Variants in MMP26 observed in about 807,000 individuals in gnomAD.
MMP26 encodes the protein matrix metallopeptidase 26, also known as matrix metalloproteinase-26.
MMP26 carries 33 observed loss-of-function variants against 31.0 expected under a neutral mutation model. The ratio of observed to expected loss-of-function variants is 1.06; its 90% CI spans 0.81 to 1.42. The LOEUF (loss-of-function observed/expected upper bound fraction) is 1.42, where lower values mean the gene tolerates loss of function less well. MMP26 is among the 40% of genes most tolerant of loss of function. The pLI, the probability that MMP26 is intolerant of heterozygous loss-of-function variation, is 0.00. For synonymous variants in MMP26, 122 were observed against 114.9 expected, an observed-to-expected ratio of 1.06 and a Z score of -0.40; for missense variants, 347 against 316.1, an observed-to-expected ratio of 1.10 and a Z score of -0.74.
intron 2 of MMP26, among the ~76,000 whole-genome samples, chr11:4,874,551 G>A (rs1404263116): frequency 2.2e-5 from 3 of 138,926 alleles, no homozygotes; most frequent in Non-Finnish European, 4.8e-5. Context: ...TTGTATATGT[G>A]TGTGTGGTGT....
intron 1 of MMP26, among the ~76,000 whole-genome samples, chr11:4,727,479 G>GAAA: frequency 6.6e-6 from 1 of 152,130 alleles, no homozygotes; most frequent in Admixed American, 6.5e-5. Context: ...TTTTTAAAAT[G>GAAA]TTTGGTTTAG....
At chr11:4,750,453 T>C (rs1848434029) in intron 1 of MMP26, among the ~76,000 whole-genome samples, 1 of 152,154 alleles carries the variant, frequency 6.6e-6, no homozygotes, top group African/African-American at 2.4e-5. Flanking sequence ...TTATTATATA[T>C]TTTTAAAACC....
intron 2 of MMP26, among the ~76,000 whole-genome samples, chr11:4,776,554 G>T (rs1307576284): frequency 1.3e-5 from 2 of 152,034 alleles, no homozygotes; most frequent in African/African-American, 2.4e-5. Context: ...GATATGGTTT[G>T]GCTCTGTGCC....
At chr11:4,906,615 C>A (rs1850893511) in intron 2 of MMP26, among the ~76,000 whole-genome samples, 1 of 152,104 alleles carries the variant, frequency 6.6e-6, no homozygotes, top group Non-Finnish European at 1.5e-5. Flanking sequence ...GCAGTGATCT[C>A]TGATTATTTT....
intron 2 of MMP26, among the ~76,000 whole-genome samples, chr11:4,862,685 A>T (rs1051385303): frequency 8.5e-5 from 13 of 152,050 alleles, no homozygotes; most frequent in African/African-American, 3.1e-4. Flanking sequence ...TAGTTTCCCT[A>T]CCTTTTCTGC....
At chr11:4,709,647 A>C (rs995638427) in intron 1 of MMP26, 6 of 457,234 alleles carry the variant, frequency 1.3e-5, no homozygotes, top group Non-Finnish European at 2.6e-5. Context: ...AACCCGTCAG[A>C]TCTGGACCTC....
At chr11:4,892,153 T>C (rs1850634138) in intron 2 of MMP26, among the ~76,000 whole-genome samples, 1 of 152,088 alleles carries the variant, frequency 6.6e-6, no homozygotes, top group South Asian at 2.1e-4. Context: ...TAGTTTATCC[T>C]CCAGAATGAG....
intron 2 of MMP26, chr11:4,882,097 C>T (rs1238741730): frequency 2.5e-6 from 4 of 1,613,848 alleles, no homozygotes; most frequent in Non-Finnish European, 3.4e-6. Flanking sequence ...ATTTCCTCTC[C>T]ATGCTGGCAG....
chr11:4,708,830 G>C (rs1847818364), intron 1 of MMP26, among the ~76,000 whole-genome samples: 1 of 152,124 alleles, frequency 6.6e-6, no homozygotes, highest in African/African-American at 2.4e-5. Flanking sequence ...ACTTTCCAAT[G>C]AATTCCTTTG....
chr11:4,922,337 C>A (rs1049892416), intron 2 of MMP26, among the ~76,000 whole-genome samples: 3 of 151,370 alleles, frequency 2.0e-5, no homozygotes, highest in Non-Finnish European at 4.4e-5. Context: ...GTTTAAAACC[C>A]TCTCCTTCTC....
chr11:4,914,737 C>T (rs142193749), intron 2 of MMP26: 109 of 1,611,160 alleles, frequency 6.8e-5, no homozygotes, highest in South Asian at 5.5e-4. Flanking sequence ...AAAAGGCATG[C>T]GTCACTCGAT....
At chr11:4,881,772 T>TA (rs1249555757) in intron 2 of MMP26, 9 of 882,518 alleles carry the variant, frequency 1.0e-5, no homozygotes, top group Non-Finnish European at 1.6e-5. Flanking sequence ...TTCCTTTCTT[T>TA]AAAACAGAAG....
intron 2 of MMP26, among the ~76,000 whole-genome samples, chr11:4,926,059 C>G (rs2133586148): frequency 6.6e-6 from 1 of 152,196 alleles, no homozygotes; most frequent in Non-Finnish European, 1.5e-5. Flanking sequence ...GCTTCTGTTT[C>G]TTTCCTGGCA....
chr11:4,764,754 T>C lies in MMP26; in HGVS notation c.-216-2516T>C, dbSNP rs542381029. The stretch of plus-strand genomic sequence containing the variant: ...TGGGCGCGGTGGCGGGCGCCTGTAG[T>C]CCCAGCTACTCGGGAGGCTGAGGCA... On this transcript the variant is annotated intron_variant, in intron 1 of 7. Coordinates refer to ENST00000380390, the MANE Select transcript of MMP26 (RefSeq NM_021801.5). Among the ~76,000 whole-genome samples, 314 of 152,194 alleles carry C rather than the reference T, an allele frequency of 2.1e-3. 5 individuals are homozygous for C. Among genetic ancestry groups the C allele is most frequent in the African/African-American group, 7.1e-3 (294 of 41,516 alleles).
At chr11:4,891,147 G>T (rs2133548962) in intron 2 of MMP26, among the ~76,000 whole-genome samples, 1 of 152,094 alleles carries the variant, frequency 6.6e-6, no homozygotes, top group Non-Finnish European at 1.5e-5. Context: ...GGTGTGACAG[G>T]CTGTTCTCCC....
intron 2 of MMP26, among the ~76,000 whole-genome samples, chr11:4,861,722 G>A (rs1250045800): frequency 1.3e-5 from 2 of 151,964 alleles, no homozygotes. Flanking sequence ...ATAATACTTA[G>A]CCCAGTTCCT....
chr11:4,897,585 A>G (rs1850728371), intron 2 of MMP26, among the ~76,000 whole-genome samples: 1 of 151,760 alleles, frequency 6.6e-6, no homozygotes, highest in South Asian at 2.1e-4. Context: ...TTATTTTGAA[A>G]CTGTGAATCA....
intron 2 of MMP26, among the ~76,000 whole-genome samples, chr11:4,786,372 A>G (rs904800589): frequency 1.3e-5 from 2 of 152,162 alleles, no homozygotes; most frequent in Admixed American, 6.5e-5. Flanking sequence ...TGGCTCTCAC[A>G]ACTGATGAAA....
intron 2 of MMP26, among the ~76,000 whole-genome samples, chr11:4,810,536 G>T (rs766634117): frequency 4.6e-5 from 7 of 152,154 alleles, no homozygotes; most frequent in Non-Finnish European, 1.0e-4. Flanking sequence ...TACATACCTG[G>T]CAGTGTGAGT....
Sources: allele counts gnomAD v4.1 joint callset (sites outside exome capture counted in the v4.1 genomes callset), GRCh38; gene constraint gnomAD v4.1.1; transcripts MANE v1.5; gene names NCBI Gene and HGNC (gene_info 2026-07-23, HGNC 2026-07-21).